Variants in CIRSR observed in about 807,000 individuals in gnomAD.
CIRSR encodes the protein CBF1 (RBPJ) interacting corepressor 1.
chr2:174,381,748 T>A, the CIRSR span: 1 of 1,598,552 alleles, frequency 6.3e-7, no homozygotes, highest in Non-Finnish European at 8.5e-7. Flanking sequence ...ATTAAGGCCA[T>A]TCTTTACACG....
the CIRSR span, among the ~76,000 whole-genome samples, chr2:174,383,849 C>CAAAAAAA: frequency 1.6e-4 from 19 of 121,456 alleles, no homozygotes; most frequent in African/African-American, 2.6e-4. Context: ...AGCTATCTTC[C>CAAAAAAA]AAAAAAAAAA....
chr2:174,356,552 A>AAGG, the CIRSR span, among the ~76,000 whole-genome samples: 14 of 133,992 alleles, frequency 1.0e-4, no homozygotes, highest in East Asian at 2.4e-4. Context: ...GGAAGGAAGG[A>AAGG]AAGGAAGAAA....
the CIRSR span, among the ~76,000 whole-genome samples, chr2:174,370,577 A>G: frequency 6.6e-6 from 1 of 152,220 alleles, no homozygotes; most frequent in Non-Finnish European, 1.5e-5. Context: ...TTATTATAAG[A>G]CTATGCACTC....
chr2:174,385,057 A>G, the CIRSR span, among the ~76,000 whole-genome samples: 1 of 152,140 alleles, frequency 6.6e-6, no homozygotes, highest in African/African-American at 2.4e-5. Context: ...CTCTACAAAA[A>G]AGAAAAAATT....
At chr2:174,349,162 G>T in the CIRSR span, 1 of 1,438,246 alleles carries the variant, frequency 7.0e-7, no homozygotes. Context: ...TTCTCCAGTC[G>T]ATCTAATTTC....
the CIRSR span, among the ~76,000 whole-genome samples, chr2:174,377,377 G>A: frequency 6.6e-6 from 1 of 152,182 alleles, no homozygotes; most frequent in Non-Finnish European, 1.5e-5. Context: ...GAGGCATTAG[G>A]TATGTAAGCT....
At chr2:174,384,033 C>A in the CIRSR span, among the ~76,000 whole-genome samples, 1 of 152,064 alleles carries the variant, frequency 6.6e-6, no homozygotes, top group Non-Finnish European at 1.5e-5. Flanking sequence ...TAGGTATATA[C>A]CCAAAGGAAC....
chr2:174,383,682 T>C, the CIRSR span, among the ~76,000 whole-genome samples: 1 of 138,046 alleles, frequency 7.2e-6, no homozygotes, highest in Non-Finnish European at 1.5e-5. Context: ...ATCGCACCAC[T>C]GCACTCCAGG....
At chr2:174,383,880 T>C in the CIRSR span, among the ~76,000 whole-genome samples, 2 of 139,990 alleles carry the variant, frequency 1.4e-5, no homozygotes, top group Non-Finnish European at 3.1e-5. Flanking sequence ...AAATAACAAA[T>C]GTTAGAGAGG....
chr2:174,378,853 A>C, the CIRSR span: 1 of 1,124,968 alleles, frequency 8.9e-7, no homozygotes, highest in Middle Eastern at 2.9e-4. Context: ...ACCCAGAAAG[A>C]GTAAAGAAAA....
the CIRSR span, chr2:174,351,623 G>A: frequency 6.2e-7 from 1 of 1,611,566 alleles, no homozygotes; most frequent in African/African-American, 1.3e-5. Flanking sequence ...CATTACCTGT[G>A]ATGGATCATT....
the CIRSR span, chr2:174,350,779 T>C: frequency 6.8e-7 from 1 of 1,464,764 alleles, no homozygotes. Flanking sequence ...AATTGCTAGA[T>C]TTCAACACAA....
the CIRSR span, among the ~76,000 whole-genome samples, chr2:174,359,244 A>C: frequency 6.6e-6 from 1 of 151,970 alleles, no homozygotes; most frequent in East Asian, 1.9e-4. Flanking sequence ...GGGTGATGGC[A>C]ATGCTCTGTA....
chr2:174,349,755 A>G, the CIRSR span, among the ~76,000 whole-genome samples: 2 of 152,072 alleles, frequency 1.3e-5, no homozygotes, highest in Non-Finnish European at 2.9e-5. Flanking sequence ...ATTCTTACTG[A>G]GTTGAAATTA....
chr2:174,387,567 C>A, the CIRSR span: 1 of 1,116,596 alleles, frequency 9.0e-7, no homozygotes, highest in Non-Finnish European at 1.2e-6. Flanking sequence ...CACGGAAAGA[C>A]ACGAATCCTA....
chr2:174,382,989 T>C, the CIRSR span, among the ~76,000 whole-genome samples: 1 of 152,130 alleles, frequency 6.6e-6, no homozygotes, highest in Non-Finnish European at 1.5e-5. Context: ...TATAAAGACC[T>C]GTAAAAAAGA....
the CIRSR span, chr2:174,358,613 G>A: frequency 6.6e-6 from 1 of 152,636 alleles, no homozygotes. Context: ...AAATATTTTA[G>A]TGATGATATA....
chr2:174,379,034 T>G, the CIRSR span: 1 of 1,609,296 alleles, frequency 6.2e-7, no homozygotes, highest in Non-Finnish European at 8.5e-7. Flanking sequence ...CACCTCACAT[T>G]TCGAACCTGA....
the CIRSR span, among the ~76,000 whole-genome samples, chr2:174,387,006 AAATAAAATTAGTGAGAAAGCT>A: frequency 1.3e-5 from 2 of 152,216 alleles, no homozygotes; most frequent in African/African-American, 4.8e-5. Flanking sequence ...TACTAAGATT[AAATAAAATTAGTGAGAAAGCT>A]ACTTAACTTT....
Sources: allele counts gnomAD v4.1 joint callset (sites outside exome capture counted in the v4.1 genomes callset), GRCh38; gene constraint gnomAD v4.1.1; transcripts MANE v1.5; gene names NCBI Gene and HGNC (gene_info 2026-07-23, HGNC 2026-07-21).